Variants in ARHGEF26 observed in about 807,000 individuals in gnomAD.
ARHGEF26 encodes Rho guanine nucleotide exchange factor 26, also known as Rho guanine nucleotide exchange factor (GEF) 26.
A neutral mutation model predicts 89.4 loss-of-function variants in ARHGEF26; 59 were observed. The observed-to-expected ratio is 0.66, with a 90% CI of 0.54 to 0.82. ARHGEF26 has a LOEUF of 0.82. ARHGEF26 is among the 40% of genes least tolerant of loss of function. The pLI is 0.00. For missense variants in ARHGEF26, 1,234 were observed against 1,085.6 expected, an observed-to-expected ratio of 1.14 and a Z score of -1.92; for synonymous variants, 500 against 428.4, an observed-to-expected ratio of 1.17 and a Z score of -2.06.
At chr3:154,212,480 G>A (rs960593466) in intron 9 of ARHGEF26, among the ~76,000 whole-genome samples, 7 of 151,840 alleles carry the variant, frequency 4.6e-5, no homozygotes, top group Non-Finnish European at 7.4e-5. Flanking sequence ...GTATCCTTCT[G>A]GTTGGCTTTC....
At chr3:154,239,030 T>A (rs1396658216) in intron 11 of ARHGEF26, among the ~76,000 whole-genome samples, 1 of 151,924 alleles carries the variant, frequency 6.6e-6, no homozygotes, top group African/African-American at 2.4e-5. Flanking sequence ...GCCATGCTGG[T>A]TAGAGAGTGG....
At chr3:154,239,552 G>C (rs1010661085) in intron 11 of ARHGEF26, among the ~76,000 whole-genome samples, 1 of 152,016 alleles carries the variant, frequency 6.6e-6, no homozygotes, top group Admixed American at 6.6e-5. Flanking sequence ...CTCAGGAGAC[G>C]CCTTGTTCTC....
chr3:154,146,022 G>A (rs1484863467), intron 4 of ARHGEF26, among the ~76,000 whole-genome samples: 166 of 152,296 alleles, frequency 1.1e-3, no homozygotes, highest in African/African-American at 3.8e-3. Context: ...GTATTTATCT[G>A]AGAAGCTCAG....
chr3:154,176,818 A>C (rs1712849051), intron 6 of ARHGEF26, among the ~76,000 whole-genome samples: 1 of 152,168 alleles, frequency 6.6e-6, no homozygotes, highest in African/African-American at 2.4e-5. Context: ...ACATATATAT[A>C]TCTTTTTATG....
chr3:154,230,693 CAGG>C (rs1373964194), intron 11 of ARHGEF26, among the ~76,000 whole-genome samples: 2 of 152,124 alleles, frequency 1.3e-5, no homozygotes, highest in Admixed American at 1.3e-4. Flanking sequence ...ACATTTAAGA[CAGG>C]AGATTTCTAC....
intron 4 of ARHGEF26, among the ~76,000 whole-genome samples, chr3:154,143,231 C>T (rs910137258): frequency 4.6e-5 from 7 of 152,178 alleles, no homozygotes; most frequent in African/African-American, 1.7e-4. Context: ...TCACTATTAA[C>T]ATTTTTGTCT....
chr3:154,212,846 A>G (rs978747387), intron 9 of ARHGEF26, among the ~76,000 whole-genome samples: 2 of 151,792 alleles, frequency 1.3e-5, no homozygotes, highest in Admixed American at 1.3e-4. Flanking sequence ...TTCCTAACCA[A>G]TCCATGGCCC....
intron 10 of ARHGEF26, among the ~76,000 whole-genome samples, chr3:154,223,080 GT>G (rs1354563854): frequency 6.6e-6 from 1 of 152,066 alleles, no homozygotes. Flanking sequence ...GAAGAATTTT[GT>G]TTTTTTGTCT....
chr3:154,134,274 G>C (rs543267824), intron 4 of ARHGEF26, among the ~76,000 whole-genome samples: 34 of 152,160 alleles, frequency 2.2e-4, no homozygotes, highest in African/African-American at 7.2e-4. Context: ...TGCTGATAAA[G>C]ACATCCCTGA....
intron 9 of ARHGEF26, among the ~76,000 whole-genome samples, chr3:154,202,566 G>T (rs1714716701): frequency 6.6e-6 from 1 of 152,056 alleles, no homozygotes; most frequent in South Asian, 2.1e-4. Context: ...GATGGGGATG[G>T]CATTGAATCT....
intron 11 of ARHGEF26, among the ~76,000 whole-genome samples, chr3:154,232,245 C>G (rs1296136753): frequency 1.3e-5 from 2 of 152,112 alleles, no homozygotes; most frequent in Non-Finnish European, 2.9e-5. Context: ...ATCTGGTGAC[C>G]CTTGGTGACA....
At chr3:154,229,202 T>A (rs1716684982) in intron 11 of ARHGEF26, among the ~76,000 whole-genome samples, 2 of 151,994 alleles carry the variant, frequency 1.3e-5, no homozygotes, top group Admixed American at 6.6e-5. Context: ...TTATTTTAAT[T>A]ATTAATTTTT....
chr3:154,201,510 T>A (rs150873952), intron 9 of ARHGEF26, among the ~76,000 whole-genome samples: 1,583 of 152,286 alleles, frequency 0.01, 19 homozygotes, highest in African/African-American at 0.036. Context: ...ATCCTTTGGG[T>A]ATATACCCAG....
chr3:154,187,380 A>ATTTTTT (rs35918903), intron 6 of ARHGEF26, among the ~76,000 whole-genome samples: 1 of 127,088 alleles, frequency 7.9e-6, no homozygotes, highest in Non-Finnish European at 1.6e-5. Context: ...CAATAACTTG[A>ATTTTTT]TTTTTTTTTT....
At chr3:154,126,065 A>G (rs558850977) in intron 3 of ARHGEF26, among the ~76,000 whole-genome samples, 1 of 152,316 alleles carries the variant, frequency 6.6e-6, no homozygotes, top group South Asian at 2.1e-4. Context: ...ATCTGTCAAC[A>G]ATGTTATGCA....
chr3:154,257,171 G>T lies in ARHGEF26; in HGVS notation c.*1698G>T. 1.9e-6 allele frequency: 1 copy of T among 537,650 alleles called. No individual in the cohort carries two copies. The highest frequency in any genetic ancestry group is 3.1e-6 in the Non-Finnish European group (1 of 321,180). The allele number at this position is 537,650 out of a possible 1,614,324, so 33.3% of individuals were successfully genotyped here. A position where few individuals can be genotyped will look rare whatever the true frequency, so the allele number is the denominator to read the frequency against. ...TCACCTCGGCAATGAGCCAGTGTGG[G>T]GCACTGGGGACTTCTAACCCTTGGA... On this transcript the variant is annotated 3_prime_UTR_variant, in exon 15 of 15. Transcript: ENST00000465093.
chr3:154,141,730 CAAAG>C (rs1227439354), intron 4 of ARHGEF26, among the ~76,000 whole-genome samples: 1 of 152,188 alleles, frequency 6.6e-6, no homozygotes, highest in Non-Finnish European at 1.5e-5. Context: ...GTATATATCT[CAAAG>C]AAATTTTACA....
rs548153454 is a variant in ARHGEF26 at position 154,183,977 on chromosome 3, C to CTTTTTTT, written c.1488-3701_1488-3695dup. On this transcript the variant is annotated intron_variant, in intron 6 of 14. Coordinates refer to ENST00000465093, the MANE Select transcript of ARHGEF26 (RefSeq NM_015595.4). ...GTTTCTTCTTTTTTCAATTTTCTTT[C>CTTTTTTT]TTTTTTTTTTTTTGAGACGGAGTCT... Among the ~76,000 whole-genome samples, 1,122 of 140,294 alleles carry CTTTTTTT rather than the reference C, an allele frequency of 8.0e-3. 13 individuals are homozygous for CTTTTTTT. The highest frequency in any genetic ancestry group is 0.017 in the South Asian group (73 of 4,210). The allele number at this position is 140,294 out of a possible 152,430, so 92.0% of individuals were successfully genotyped here. A position where few individuals can be genotyped will look rare whatever the true frequency, so the allele number is the denominator to read the frequency against.
chr3:154,196,408 G>C (rs2108198198), intron 9 of ARHGEF26, among the ~76,000 whole-genome samples: 1 of 152,264 alleles, frequency 6.6e-6, no homozygotes, highest in South Asian at 2.1e-4. Context: ...AGCATCAGAA[G>C]CTTCCTAAAT....
Sources: allele counts gnomAD v4.1 joint callset (sites outside exome capture counted in the v4.1 genomes callset), GRCh38; gene constraint gnomAD v4.1.1; transcripts MANE v1.5; gene names NCBI Gene and HGNC (gene_info 2026-07-23, HGNC 2026-07-21).